ANO7: variants seen among roughly 807,000 people sequenced by gnomAD.
ANO7 encodes anoctamin-7.
Under a neutral mutation model 115.8 loss-of-function variants are expected in ANO7, and 114 were observed. That is an observed-to-expected ratio of 0.98 (90% CI 0.85 to 1.15). The LOEUF is 1.15. Among genes scored for constraint, ANO7 ranks in the 50% most tolerant of loss-of-function variants. ANO7 has a pLI of 0.00. For synonymous variants in ANO7, 550 were observed against 498.2 expected (o/e 1.10, Z -1.38); for missense variants, 1,302 against 1,201.2 (o/e 1.08, Z -1.24).
At chr2:241,235,112 C>G in the ANO7 span, 1 of 1,611,782 alleles carries the variant, frequency 6.2e-7, no homozygotes, top group Non-Finnish European at 8.5e-7. Context: ...CCGGCCACCT[C>G]CTGCTCACCC....
downstream of ANO7, chr2:241,230,619 A>G (rs149101505): frequency 1.3e-3 from 936 of 739,092 alleles, 5 homozygotes; most frequent in East Asian, 0.012. The surrounding 1 kb of genome is among the most constrained non-coding windows in gnomAD (Gnocchi z 5.0). Context: ...CGTGGTGTCC[A>G]TGAGGACAGT....
chr2:241,239,078 TGAG>T, the ANO7 span, among the ~76,000 whole-genome samples: 1,046 of 152,158 alleles, frequency 6.9e-3, 10 homozygotes, highest in African/African-American at 0.024. The surrounding 1 kb of genome is among the most constrained non-coding windows in gnomAD (Gnocchi z 4.6). Context: ...TCTGACTCCA[TGAG>T]GAGGCATCAG....
Position 241,210,376 on chromosome 2 carries a change from A to AC in ANO7, c.1444dup (p.Leu482ProfsTer94). The AC allele has an allele frequency of 6.2e-7, 1 of 1,613,748 alleles. No individual in the cohort carries two copies. The highest frequency in any genetic ancestry group is 2.2e-5 in the East Asian group (1 of 44,848). ...CATCGTGGTGTCCAGGTCGGGCAACACCCTTCTCGCAGCCTGGGTGAGCCT... is the reference window on the plus strand; with the variant it reads ...CATCGTGGTGTCCAGGTCGGGCAACACCCCTTCTCGCAGCCTGGGTGAGCCT... On this transcript the variant is annotated frameshift_variant, in exon 14 of 25. Transcript: ENST00000674324. LOFTEE classifies it high-confidence loss of function.
Position 241,201,488 on chromosome 2 carries a change from G to A in ANO7, c.612+133G>A, listed in dbSNP as rs180956372. On this transcript the variant is annotated intron_variant, in intron 7 of 24. Transcript: ENST00000674324. ...CCGAGGCCTGGAGCCCGGAGGCTTTGGAAACTTTAGAGGCTGACCTCACCT... is the reference window on the plus strand; with the variant it reads ...CCGAGGCCTGGAGCCCGGAGGCTTTAGAAACTTTAGAGGCTGACCTCACCT... The A allele has an allele frequency of 1.7e-5, 17 of 996,100 alleles. No homozygotes were observed. The Admixed American group carries it at 4.8e-4, about 28-fold the overall frequency. 61.7% of individuals were successfully genotyped at this position (996,100 alleles called of 1,614,324 possible). A position where few individuals can be genotyped will look rare whatever the true frequency, so the allele number is the denominator to read the frequency against.
the ANO7 span, chr2:241,235,958 C>G: frequency 4.2e-6 from 1 of 235,702 alleles, no homozygotes; most frequent in Non-Finnish European, 8.3e-6. Flanking sequence ...CACTACTCAC[C>G]TTCCCTGCCC....
In ANO7 at chr2:241,209,372, C is replaced by A. The variant is rs142622065; in HGVS notation, c.1165C>A (p.Arg389=). Residue 389 remains arginine, a synonymous_variant, in exon 12 of 25, where the codon CGG becomes AGG. Coordinates refer to ENST00000674324, the MANE Select transcript of ANO7 (RefSeq NM_001370694.2). ...WAVLLLEYWK[R]KSATLAYRWD... is the part of the protein sequence containing the mutation. ...CGTGCTGCTGCTGGAGTACTGGAAGCGGAAGAGCGCCACGCTGGCCTACCG... is the reference window on the plus strand; with the variant it reads ...CGTGCTGCTGCTGGAGTACTGGAAGAGGAAGAGCGCCACGCTGGCCTACCG... 1.3e-6 allele frequency: 2 copies of A among 1,581,976 alleles called. No individual in the cohort carries two copies. Among genetic ancestry groups the A allele is most frequent in the African/African-American group, 1.3e-5 (1 of 74,176 alleles).
rs185201141 is a variant in ANO7, at chr2:241,196,288, G to C, written c.309+443G>C. On this transcript the variant is annotated intron_variant, in intron 4 of 24. Transcript: ENST00000674324. Reference sequence around the variant, plus strand: ...TAGAATCATTTAAGCAACAGGTCCGGGGAGCGTGAGAAACAGGAACTAGGC... The same window carrying C: ...TAGAATCATTTAAGCAACAGGTCCGCGGAGCGTGAGAAACAGGAACTAGGC... 6 of 548,714 alleles carry C rather than the reference G, an allele frequency of 1.1e-5. No individual in the cohort carries two copies. The East Asian group carries it at 6.9e-4, about 63-fold the overall frequency. The allele number at this position is 548,714 out of a possible 1,614,324, so 34.0% of individuals were successfully genotyped here.
chr2:241,212,602 C>T lies in ANO7; in HGVS notation c.1704C>T (p.Thr568=), dbSNP rs898284481. The T allele has an allele frequency of 1.9e-6, 3 of 1,613,422 alleles. No homozygotes were observed. Among genetic ancestry groups the T allele is most frequent in the Admixed American group, 3.3e-5 (2 of 59,928 alleles). The part of the protein sequence containing the change: ...RFVGYPGNYH[T]LFGVRNEECA... Reference sequence around the variant, plus strand: ...TGGGATACCCAGGCAACTACCACACCTTGTTTGGAGTCCGCAATGAGGAGG... The same window carrying T: ...TGGGATACCCAGGCAACTACCACACTTTGTTTGGAGTCCGCAATGAGGAGG... Residue 568 remains threonine (T), a synonymous_variant, in exon 17 of 25, where the codon ACC becomes ACT. Transcript: ENST00000674324.
chr2:241,227,083 G>A (rs1220088763), downstream of ANO7, among the ~76,000 whole-genome samples: 1 of 152,204 alleles, frequency 6.6e-6, no homozygotes, highest in African/African-American at 2.4e-5. Context: ...GCAGCCAGAG[G>A]ACAGGGACAG....
chr2:241,191,124 G>A, intron 2 of ANO7, 70 bp from the exon 3 acceptor site: 1 of 1,563,318 alleles, frequency 6.4e-7, no homozygotes, highest in South Asian at 1.1e-5. Flanking sequence ...TCAGGGTGGG[G>A]CGGGGTGGGT....
chr2:241,220,468 A>T (rs1009742112), intron 21 of ANO7, among the ~76,000 whole-genome samples: 1 of 152,004 alleles, frequency 6.6e-6, no homozygotes, highest in East Asian at 1.9e-4. Context: ...AGGCCGAGGC[A>T]GGTGGATCAT....
the ANO7 span, chr2:241,236,767 G>T: frequency 1.9e-6 from 3 of 1,613,838 alleles, no homozygotes; most frequent in Non-Finnish European, 2.5e-6. Flanking sequence ...TCTGTACTGT[G>T]AACTAGAGAG....
At position 241,203,542 on chromosome 2, in the gene ANO7, G is replaced by T; in HGVS notation, c.889+44G>T. ...CCCCCAGACCACCTGGGCCCCCCCA[G>T]CTTGGTGTCAGGTTGTAACAATTTG... is the stretch of plus-strand genomic sequence containing the variant. On this transcript the variant is annotated intron_variant, in intron 9 of 24. Transcript: ENST00000674324. The surrounding 1 kb of genome is among the most constrained non-coding windows in gnomAD (Gnocchi z 4.8). The T allele has an allele frequency of 7.3e-7, 1 of 1,377,040 alleles. No individual in the cohort carries two copies. The highest frequency in any genetic ancestry group is 9.6e-7 in the Non-Finnish European group (1 of 1,043,242). The allele number at this position is 1,377,040 out of a possible 1,614,324, so 85.3% of individuals were successfully genotyped here.
chr2:241,212,211 T>G lies in ANO7; in HGVS notation c.1673+6T>G, dbSNP rs770026007. 8 of 1,607,148 alleles carry G rather than the reference T, an allele frequency of 5.0e-6. No individual in the cohort carries two copies. Among genetic ancestry groups the G allele is most frequent in the Non-Finnish European group, 6.8e-6 (8 of 1,173,674 alleles). Reference sequence around the variant, plus strand: ...ATTGCCTTCTTCAAGGGCAGGTTGGTGGGCACCTCTCCCTCTGGCCACAGC... The same window carrying G: ...ATTGCCTTCTTCAAGGGCAGGTTGGGGGGCACCTCTCCCTCTGGCCACAGC... On this transcript the variant is annotated splice_donor_region_variant and intron_variant, in intron 16 of 24. Transcript: ENST00000674324.
Position 241,210,171 on chromosome 2 carries a change from C to T in ANO7, c.1360-124C>T. The stretch of plus-strand genomic sequence containing the variant: ...CACAGCCGGGGCTGGAGGCAGGGGC[C>T]TTCCTAGAGGTGGCAGTGCTGGGGC... On this transcript the variant is annotated intron_variant, in intron 13 of 24. Coordinates refer to ENST00000674324, the MANE Select transcript of ANO7 (RefSeq NM_001370694.2). 5 of 915,514 alleles carry T rather than the reference C, an allele frequency of 5.5e-6. No individual in the cohort carries two copies. In the South Asian group the frequency reaches 6.9e-5, roughly 13 times the overall value. 56.7% of individuals were successfully genotyped at this position (915,514 alleles called of 1,614,324 possible). A position where few individuals can be genotyped will look rare whatever the true frequency, so the allele number is the denominator to read the frequency against.
rs2068791569 is a variant in ANO7, at chr2:241,214,895, C to T, written c.1819C>T (p.Leu607Phe). 4 of 1,612,240 alleles carry T rather than the reference C, an allele frequency of 2.5e-6. No individual in the cohort carries two copies. The highest frequency in any genetic ancestry group is 3.4e-6 in the Non-Finnish European group (4 of 1,179,854). ...GGTCATCAACAACATGCAGGAGGTCCTCATCCCGTGAGTCCCCCACTCCTC... is the reference window on the plus strand; with the variant it reads ...GGTCATCAACAACATGCAGGAGGTCTTCATCCCGTGAGTCCCCCACTCCTC... ...KQVINNMQEVLIPKLKGWWQK... is the reference protein window; with the variant it reads ...KQVINNMQEVFIPKLKGWWQK... The change falls in exon 18 of 25, where the codon CTC (leucine) becomes TTC (phenylalanine). Residue 607 changes from leucine to phenylalanine, a missense_variant. By Grantham distance (22) the Leu-to-Phe change is conservative (BLOSUM62 0). Coordinates refer to ENST00000674324, the MANE Select transcript of ANO7 (RefSeq NM_001370694.2).
rs1452509445 is a variant in ANO7 at position 241,216,067 on chromosome 2, C to T, written c.1827-26C>T. The T allele has an allele frequency of 4.4e-6, 7 of 1,586,148 alleles. No individual in the cohort carries two copies. The Admixed American group carries it at 7.3e-5, about 16-fold the overall frequency. On this transcript the variant is annotated intron_variant, in intron 18 of 24. Coordinates refer to ENST00000674324, the MANE Select transcript of ANO7 (RefSeq NM_001370694.2). ...ACTGAGACCCATGTTGGATCAAAGG[C>T]CATTTTCCTGTATTCCCGTCCCCAG...
At chr2:241,237,653 G>A in the ANO7 span, among the ~76,000 whole-genome samples, 1 of 152,112 alleles carries the variant, frequency 6.6e-6, no homozygotes, top group Non-Finnish European at 1.5e-5. Flanking sequence ...AATTATGTAA[G>A]AGAATGTCCT....
Position 241,218,283 on chromosome 2 carries a change from C to A in ANO7, c.2223C>A (p.Tyr741Ter), listed in dbSNP as rs1284507373. Residue 741 changes from tyrosine (Y) to a stop codon, truncating the protein, a stop_gained, in exon 21 of 25, where the codon TAC becomes TAA. Coordinates refer to ENST00000674324, the MANE Select transcript of ANO7 (RefSeq NM_001370694.2). LOFTEE classifies it high-confidence loss of function. ...AFSSDFLPRAYYRWTRAHDLR... is the reference protein window; with the variant it reads ...AFSSDFLPRA ...CGTCCGACTTCCTGCCGCGCGCCTA[C>A]TACCGGTGGACCCGCGCCCACGACC... 34 of 1,535,974 alleles carry A rather than the reference C, an allele frequency of 2.2e-5. No individual in the cohort carries two copies. Among genetic ancestry groups the A allele is most frequent in the African/African-American group, 2.9e-5 (2 of 70,008 alleles).
Sources: gnomAD v4.1 joint callset for allele counts (sites outside exome capture counted in the v4.1 genomes callset) on GRCh38, gnomAD v4.1.1 for gene constraint, Gnocchi (gnomAD v3.1) non-coding constraint, MANE v1.5 for transcripts, NCBI Gene and HGNC (gene_info 2026-07-23, HGNC 2026-07-21) for gene names.